The following GARS1 variants were observed in gnomAD, a reference collection of about 807,000 sequenced individuals.
GARS1 encodes glycyl-tRNA synthetase 1.
GARS1 carries 46 observed loss-of-function variants against 86.4 expected under a neutral mutation model. The ratio of observed to expected loss-of-function variants is 0.53; its 90% confidence interval spans 0.42 to 0.68. The LOEUF is 0.68. Among genes scored for constraint, GARS1 ranks in the 30% least tolerant of loss-of-function variants. The pLI is 0.00. For synonymous variants in GARS1, 342 were observed against 329.8 expected (o/e 1.04, Z -0.40); for missense variants, 797 against 915.6 (o/e 0.87, Z 1.67).
At chr7:30,611,638 C>T (rs545927361) in intron 7 of GARS1, among the ~76,000 whole-genome samples, 1 of 152,292 alleles carries the variant, frequency 6.6e-6, no homozygotes, top group African/African-American at 2.4e-5. Context: ...GCATGTGCCA[C>T]CACGCCTGGC....
intron 7 of GARS1, among the ~76,000 whole-genome samples, chr7:30,611,203 G>A (rs1054673860): frequency 2.0e-5 from 3 of 152,140 alleles, no homozygotes; most frequent in Non-Finnish European, 2.9e-5. Context: ...GGAAGCCTCT[G>A]GTTGAAAATA....
chr7:30,600,765 C>T (rs373710076), intron 3 of GARS1, among the ~76,000 whole-genome samples: 18 of 152,272 alleles, frequency 1.2e-4, no homozygotes, highest in Admixed American at 2.6e-4. Context: ...GTAATTTTTA[C>T]GGCAGAAAAC....
intron 6 of GARS1, among the ~76,000 whole-genome samples, chr7:30,608,865 G>A (rs1335045380): frequency 3.3e-5 from 5 of 152,130 alleles, no homozygotes; most frequent in African/African-American, 4.8e-5. Context: ...TTCTGAACTC[G>A]AAGCTTCAGT....
rs759945541 is a variant in GARS1 at position 30,612,142 on chromosome 7, C to T, written c.928C>T (p.Arg310Ter). ...TAQGIFLNFK[R>*]LLEFNQGKLP... ...ACAGGGGATTTTCTTGAATTTCAAA[C>T]GACTTTTGGAGTTCAACCAAGGAAA... The change falls in exon 8 of 17, where the codon CGA becomes TGA. Residue 310 changes from arginine (R) to a stop codon, truncating the protein, a stop_gained. Coordinates refer to ENST00000389266, the MANE Select transcript of GARS1 (RefSeq NM_002047.4). LOFTEE classifies it high-confidence loss of function. The T allele has an allele frequency of 1.9e-6, 3 of 1,613,944 alleles. No individual in the cohort carries two copies. Among genetic ancestry groups the T allele is most frequent in the South Asian group, 1.1e-5 (1 of 91,078 alleles).
intron 12 of GARS1, 199 bp downstream of exon 12, chr7:30,622,661 TC>T (rs1238855288): frequency 1.7e-6 from 1 of 581,236 alleles, no homozygotes; most frequent in East Asian, 3.1e-5. Context: ...TTTTTTTTTT[TC>T]CTAGTAACTG....
intron 6 of GARS1, among the ~76,000 whole-genome samples, chr7:30,608,351 ATTC>A (rs1197888712): frequency 3.9e-5 from 6 of 152,162 alleles, no homozygotes; most frequent in Non-Finnish European, 5.9e-5. Flanking sequence ...AACACTATAT[ATTC>A]TTGAATTACC....
intron 8 of GARS1, among the ~76,000 whole-genome samples, chr7:30,615,206 C>G (rs1782867943): frequency 6.6e-6 from 1 of 152,214 alleles, no homozygotes; most frequent in Admixed American, 6.5e-5. Context: ...ATTTAAGAAG[C>G]TCTTGCTCCA....
rs540048781 is a variant in GARS1, at chr7:30,597,423, G to A, written c.223-1373G>A. 1.0e-3 allele frequency among the ~76,000 whole-genome samples: 156 copies of A among 152,280 alleles called. 1 individual carries two copies. Among genetic ancestry groups the A allele is most frequent in the African/African-American group, 3.3e-3 (138 of 41,544 alleles). On this transcript the variant is annotated intron_variant, in intron 1 of 16. Coordinates refer to ENST00000389266, the MANE Select transcript of GARS1 (RefSeq NM_002047.4). ...TATCAAAGAATATCCACAATTATCC[G>A]AAACGGCTTTTAAAATTATTTTTCC...
In GARS1 at chr7:30,622,431, A is replaced by G. The variant is rs1783032295; in HGVS notation, c.1582A>G (p.Thr528Ala). The G allele has an allele frequency of 6.2e-7, 1 of 1,614,040 alleles. No homozygotes were observed. The highest frequency in any genetic ancestry group is 1.3e-5 in the African/African-American group (1 of 74,934). Reference sequence around the variant, plus strand: ...TGCCATTTGTGATGAGTGCTACATTACAGAAATGGAGATGCTGCTGAATGA... The same window carrying G: ...TGCCATTTGTGATGAGTGCTACATTGCAGAAATGGAGATGCTGCTGAATGA... ...YLAICDECYI[T>A]EMEMLLNEKG... Residue 528 changes from threonine to alanine, a missense_variant, in exon 12 of 17, where the codon ACA becomes GCA. Around this residue, in one of 2 missense-constraint regions of GARS1, gnomAD observed 598 missense variants for 738.7 expected, o/e 0.81. Transcript: ENST00000389266.
chr7:30,620,491 C>T (rs1782982066), intron 10 of GARS1, among the ~76,000 whole-genome samples: 2 of 152,130 alleles, frequency 1.3e-5, no homozygotes, highest in African/African-American at 4.8e-5. Flanking sequence ...TAATCACCTC[C>T]CAAAGGCACC....
Position 30,601,044 on chromosome 7 carries a change from T to C in GARS1, c.428-15T>C, listed in dbSNP as rs186309742. On this transcript the variant is annotated splice_polypyrimidine_tract_variant and intron_variant, in intron 3 of 16. Transcript: ENST00000389266. ...TAACAAGGTAAAGTATGTGTTTTCC[T>C]CTCATATTCTATAGGTGTTAGTGGT... 1.9e-6 allele frequency: 3 copies of C among 1,613,452 alleles called. No homozygotes were observed. The highest frequency in any genetic ancestry group is 2.7e-5 in the African/African-American group (2 of 75,022).
In GARS1 at chr7:30,631,484, T is replaced by C; in HGVS notation, c.1846T>C (p.Cys616Arg). 1 of 1,613,878 alleles carries C rather than the reference T, an allele frequency of 6.2e-7. No individual in the cohort carries two copies. The highest frequency in any genetic ancestry group is 2.2e-5 in the East Asian group (1 of 44,858). The change falls in exon 15 of 17, where the codon TGT (cysteine) becomes CGT (arginine). Residue 616 changes from cysteine to arginine, a missense_variant. Cys to Arg is a radical substitution (Grantham distance 180). Coordinates refer to ENST00000389266, the MANE Select transcript of GARS1 (RefSeq NM_002047.4). ...CCCTGCTGTAGTTGCTCCATTCAAA[T>C]GTTCCGTCCTCCCACTGAGCCAAAA... ...SFPAVVAPFK[C>R]SVLPLSQNQE...
At chr7:30,606,293 G>A (rs899389362) in intron 6 of GARS1, among the ~76,000 whole-genome samples, 1 of 125,114 alleles carries the variant, frequency 8.0e-6, no homozygotes, top group African/African-American at 2.8e-5. Flanking sequence ...GGTGATTTTT[G>A]TCATTGTTAT....
At chr7:30,613,728 GT>G (rs1420162228) in intron 8 of GARS1, among the ~76,000 whole-genome samples, 4 of 152,224 alleles carry the variant, frequency 2.6e-5, no homozygotes, top group African/African-American at 2.4e-5. Flanking sequence ...ATTCTGGCTA[GT>G]TTTGTTATGT....
intron 5 of GARS1, 143 bp downstream of exon 5, chr7:30,603,265 C>G (rs1584026340): frequency 1.3e-6 from 1 of 759,664 alleles, no homozygotes; most frequent in Non-Finnish European, 2.2e-6. Context: ...AGATCAAGTC[C>G]TTTATTTTTT....
At chr7:30,618,101 CAT>C (rs971449300) in intron 10 of GARS1, among the ~76,000 whole-genome samples, 5 of 151,966 alleles carry the variant, frequency 3.3e-5, no homozygotes, top group Non-Finnish European at 4.4e-5. Context: ...CAAAATTAGT[CAT>C]ATTTTAAAAA....
Position 30,628,604 on chromosome 7 carries a change from G to A in GARS1, c.1744G>A (p.Gly582Ser), listed in dbSNP as rs1194067741. Residue 582 changes from glycine (G) to serine (S), a missense_variant, in exon 14 of 17, where the codon GGT becomes AGT. Physicochemically the swap from Gly to Ser is moderately conservative, Grantham distance 56 (BLOSUM62 0). Transcript: ENST00000389266. ...TGTAATTGAACCTTCCTTCGGCCTG[G>A]GTAGGATCATGTATACGGTATTTGA... ...PNVIEPSFGL[G>S]RIMYTVFEHT... The A allele has an allele frequency of 6.2e-6, 10 of 1,613,108 alleles. No individual in the cohort carries two copies. The highest frequency in any genetic ancestry group is 8.5e-6 in the Non-Finnish European group (10 of 1,179,196).
At chr7:30,633,229 A>G (rs551376277) in intron 16 of GARS1, among the ~76,000 whole-genome samples, 2 of 152,322 alleles carry the variant, frequency 1.3e-5, no homozygotes, top group East Asian at 3.9e-4. Context: ...GAAATGTATG[A>G]GATAAGCAAA....
intron 11 of GARS1, among the ~76,000 whole-genome samples, chr7:30,621,854 C>T (rs1264994969): frequency 6.6e-6 from 1 of 152,128 alleles, no homozygotes; most frequent in Non-Finnish European, 1.5e-5. Context: ...AAGCTTTTTC[C>T]ATTAAAAGAT....
Sources: gnomAD v4.1 joint callset for allele counts (sites outside exome capture counted in the v4.1 genomes callset) on GRCh38, gnomAD v4.1.1 for gene constraint, gnomAD v4.1.1 regional missense constraint, MANE v1.5 for transcripts, NCBI Gene and HGNC (gene_info 2026-07-23, HGNC 2026-07-21) for gene names.